Variants in FRY observed in about 807,000 individuals in gnomAD.
FRY encodes protein furry homolog.
A neutral mutation model predicts 348.4 loss-of-function variants in FRY; 128 were observed. The observed-to-expected ratio is 0.37, with a 90% CI of 0.32 to 0.43. The LOEUF is 0.43. FRY is among the 20% of genes least tolerant of loss of function. FRY has a pLI of 1.00. For missense variants in FRY, 2,736 were observed against 3,695.2 expected (o/e 0.74, Z 6.73); for synonymous variants, 1,370 against 1,374.7 (o/e 1.00, Z 0.08).
chr13:32,108,873 A>G (rs889710490), intron 3 of FRY, among the ~76,000 whole-genome samples: 7 of 152,214 alleles, frequency 4.6e-5, no homozygotes. Flanking sequence ...AACATTTCCT[A>G]CAGTCTGGCA....
intron 39 of FRY, among the ~76,000 whole-genome samples, chr13:32,226,571 G>T (rs1885595089): frequency 1.3e-5 from 2 of 152,182 alleles, no homozygotes; most frequent in African/African-American, 4.8e-5. Flanking sequence ...GGTAATAGTG[G>T]TTTTCATTTA....
At chr13:32,242,656 T>C (rs1292686339) in intron 46 of FRY, among the ~76,000 whole-genome samples, 2 of 152,132 alleles carry the variant, frequency 1.3e-5, no homozygotes, top group Admixed American at 1.3e-4. Flanking sequence ...TGCCTCACCC[T>C]CCCGAGTAGC....
chr13:32,231,083 TA>T, intron 40 of FRY, 95 bp from the exon 41 acceptor site: 1 of 1,075,700 alleles, frequency 9.3e-7, no homozygotes. Flanking sequence ...GCAAAAAATT[TA>T]AATATGTTAT....
Position 32,212,318 on chromosome 13 carries a change from G to A in FRY, c.4618G>A (p.Val1540Ile), listed in dbSNP as rs767319642. ...SGTTSSSNTV[V>I]AGQENFPDAE... is the part of the protein sequence containing the mutation. ...AACCACCTCTAGCAGCAATACAGTG[G>A]TTGCTGGCCAGGAAAATTTCCCAGA... The change falls in exon 35 of 61, where the codon GTT becomes ATT. Residue 1540 changes from valine (V) to isoleucine (I), a missense_variant. By Grantham distance (29) the Val-to-Ile change is conservative. Around this residue, in one of 9 missense-constraint regions of FRY, gnomAD observed 794 missense variants for 977.0 expected, o/e 0.81. Transcript: ENST00000542859. 4.3e-6 allele frequency: 7 copies of A among 1,609,518 alleles called. No individual in the cohort carries two copies. In the South Asian group the frequency reaches 6.6e-5, roughly 15 times the overall value.
At chr13:32,057,188 T>G (rs78257922) in intron 1 of FRY, among the ~76,000 whole-genome samples, 1 of 151,920 alleles carries the variant, frequency 6.6e-6, no homozygotes, top group African/African-American at 2.4e-5. Context: ...ATTTTTTTTT[T>G]AAGACAGACT....
intron 2 of FRY, among the ~76,000 whole-genome samples, chr13:32,079,420 A>G (rs1414370350): frequency 6.6e-6 from 1 of 152,186 alleles, no homozygotes; most frequent in Admixed American, 6.5e-5. Flanking sequence ...AAAGTAGATG[A>G]CAAGAAAAAT....
At chr13:32,125,835 C>G (rs1878985476) in intron 7 of FRY, among the ~76,000 whole-genome samples, 1 of 151,986 alleles carries the variant, frequency 6.6e-6, no homozygotes, top group Non-Finnish European at 1.5e-5. Flanking sequence ...TAATATATAA[C>G]ACATCAGTGT....
chr13:32,077,002 GC>G (rs1275335609), intron 1 of FRY, among the ~76,000 whole-genome samples: 1 of 152,228 alleles, frequency 6.6e-6, no homozygotes, highest in Non-Finnish European at 1.5e-5. Context: ...GTGAGGACTG[GC>G]CTAGTGGAGG....
At chr13:32,112,661 T>G (rs2138675322) in intron 3 of FRY, among the ~76,000 whole-genome samples, 1 of 152,370 alleles carries the variant, frequency 6.6e-6, no homozygotes, top group Admixed American at 6.5e-5. Context: ...TAACTTCAGT[T>G]AAGGTTTTCT....
intron 10 of FRY, 104 bp from the exon 11 acceptor site, chr13:32,136,767 C>G: frequency 1.3e-6 from 1 of 797,252 alleles, no homozygotes; most frequent in South Asian, 1.4e-5. Flanking sequence ...TTCTTGCCCA[C>G]AGGGCCCCCG....
At chr13:32,284,617 A>G (rs1343458799) in intron 58 of FRY, among the ~76,000 whole-genome samples, 3 of 152,220 alleles carry the variant, frequency 2.0e-5, no homozygotes, top group African/African-American at 7.2e-5. Flanking sequence ...CCAAAAAACT[A>G]CTTAACAAAG....
chr13:32,275,807 C>A (rs1483255033), intron 56 of FRY, among the ~76,000 whole-genome samples: 1 of 152,118 alleles, frequency 6.6e-6, no homozygotes, highest in Non-Finnish European at 1.5e-5. Context: ...GACGGTAATT[C>A]ATGGCTTTAC....
Position 32,295,571 on chromosome 13 carries a change from C to G in FRY, c.*111C>G, listed in dbSNP as rs2072048434. On this transcript the variant is annotated 3_prime_UTR_variant, in exon 61 of 61. Coordinates refer to ENST00000542859, the MANE Select transcript of FRY (RefSeq NM_023037.3). ...AAGGCTTGGACAGACTGTTCTCCCT[C>G]TTGTTACCTGTAGGGCTTTTTCTAA... The G allele has an allele frequency of 2.9e-6, 3 of 1,020,342 alleles. No individual in the cohort carries two copies. The highest frequency in any genetic ancestry group is 1.8e-5 in the Admixed American group (1 of 54,994). The allele number at this position is 1,020,342 out of a possible 1,614,324, so 63.2% of individuals were successfully genotyped here.
At chr13:32,184,538 C>A in intron 24 of FRY, 62 bp from the exon 25 acceptor site, 1 of 1,022,668 alleles carries the variant, frequency 9.8e-7, no homozygotes, top group Non-Finnish European at 1.5e-6. Flanking sequence ...ATACCATTTT[C>A]TAAAACAAAG....
Position 32,224,284 on chromosome 13 carries a change from C to T in FRY, c.4815C>T (p.Thr1605=). 6.2e-7 allele frequency: 1 copy of T among 1,613,952 alleles called. No individual in the cohort carries two copies. The highest frequency in any genetic ancestry group is 8.5e-7 in the Non-Finnish European group (1 of 1,179,890). Residue 1605 remains threonine (T), a synonymous_variant, in exon 37 of 61, where the codon ACC becomes ACT. Transcript: ENST00000542859. ...GCTGGTTGCTGACTATTACAGAGAC[C>T]AAGCAGCCGCAGCCCTTACCGATGC... ...YTGWLLTITE[T]KQPQPLPMPC...
Position 32,237,973 on chromosome 13 carries a change from A to G in FRY, c.6405A>G (p.Ala2135=). 6.2e-7 allele frequency: 1 copy of G among 1,613,844 alleles called. No individual in the cohort carries two copies. The highest frequency in any genetic ancestry group is 8.5e-7 in the Non-Finnish European group (1 of 1,180,024). ...TPVSKISMVD[A]SHAIGFPLNV... ...TGTCCAAAATATCCATGGTGGATGC[A>G]TCCCACGCTATTGGTAAAGCCAGCC... The change falls in exon 44 of 61, where the codon GCA becomes GCG. Residue 2135 remains alanine, a synonymous_variant. Coordinates refer to ENST00000542859, the MANE Select transcript of FRY (RefSeq NM_023037.3). This position sits in a 1 kb window ranked among gnomAD's most constrained non-coding sequence, Gnocchi z 6.3.
chr13:32,271,716 C>A (rs1888212781), intron 55 of FRY, among the ~76,000 whole-genome samples: 1 of 152,210 alleles, frequency 6.6e-6, no homozygotes, highest in East Asian at 1.9e-4. Flanking sequence ...CAGAAGATGA[C>A]CCCTTCCCCT....
intron 20 of FRY, among the ~76,000 whole-genome samples, chr13:32,176,327 G>T (rs1384349652): frequency 1.3e-5 from 2 of 152,218 alleles, no homozygotes; most frequent in African/African-American, 4.8e-5. Flanking sequence ...CTAAATAGCT[G>T]AAGGGAGGCA....
At chr13:32,249,744 T>C in intron 49 of FRY, 57 bp downstream of exon 49, 1 of 1,522,882 alleles carries the variant, frequency 6.6e-7, no homozygotes, top group Non-Finnish European at 9.1e-7. Flanking sequence ...GTTGAGTCCA[T>C]GTGGCTGGGT....
Sources: allele counts gnomAD v4.1 joint callset (sites outside exome capture counted in the v4.1 genomes callset), GRCh38; gene constraint gnomAD v4.1.1; regional missense constraint gnomAD v4.1.1; non-coding constraint Gnocchi (gnomAD v3.1); transcripts MANE v1.5; gene names NCBI Gene and HGNC (gene_info 2026-07-23, HGNC 2026-07-21).